IRAK2: variants seen among roughly 807,000 people sequenced by gnomAD.
IRAK2 encodes the protein interleukin-1 receptor-associated kinase-like 2.
A neutral mutation model predicts 72.0 loss-of-function variants in IRAK2; 57 were observed. The ratio of observed to expected loss-of-function variants is 0.79; its 90% CI spans 0.64 to 0.99. IRAK2 has a LOEUF of 0.99. Ranked by LOEUF, IRAK2 falls within the 50% of genes least tolerant of loss-of-function variation. The pLI, the probability that IRAK2 is intolerant of heterozygous loss-of-function variation, is 0.00. For missense variants in IRAK2, 790 were observed against 794.4 expected (o/e 0.99, Z 0.07); for synonymous variants, 293 against 312.7 (o/e 0.94, Z 0.67).
Position 10,221,444 on chromosome 3 carries a change from A to G in IRAK2, c.1014-1192A>G, listed in dbSNP as rs576362801. Among the ~76,000 whole-genome samples the G allele has an allele frequency of 1.4e-3, 207 of 150,770 alleles. 1 individual carries two copies. The highest frequency in any genetic ancestry group is 3.4e-3 in the Middle Eastern group (1 of 292). On this transcript the variant is annotated intron_variant, in intron 8 of 12. Transcript: ENST00000256458. ...AACTTTTTGTATTTTTAGTAGAGAT[A>G]GGGTTTCACTGTGTTAGCCATGATG...
At chr3:10,210,680 A>G (rs888803674) in intron 4 of IRAK2, among the ~76,000 whole-genome samples, 1 of 151,972 alleles carries the variant, frequency 6.6e-6, no homozygotes, top group Non-Finnish European at 1.5e-5. Flanking sequence ...TGAGCCCAGG[A>G]GTTGGAGACC....
At chr3:10,170,529 G>T (rs781430526) in intron 1 of IRAK2, among the ~76,000 whole-genome samples, 1 of 152,082 alleles carries the variant, frequency 6.6e-6, no homozygotes, top group African/African-American at 2.4e-5. Flanking sequence ...GCCCATCACC[G>T]TGTTTCATTT....
intron 4 of IRAK2, among the ~76,000 whole-genome samples, chr3:10,211,072 A>T (rs531343204): frequency 6.6e-6 from 1 of 152,058 alleles, no homozygotes; most frequent in African/African-American, 2.4e-5. Context: ...CATGTTGGCC[A>T]GGCTGGTCTT....
At chr3:10,239,752 A>G (rs1281151408) in intron 12 of IRAK2, among the ~76,000 whole-genome samples, 2 of 151,918 alleles carry the variant, frequency 1.3e-5, no homozygotes, top group Non-Finnish European at 2.9e-5. Flanking sequence ...AAAAAACTCA[A>G]TGCATGTCAT....
intron 2 of IRAK2, among the ~76,000 whole-genome samples, chr3:10,182,905 G>A (rs1404999313): frequency 6.6e-6 from 1 of 151,642 alleles, no homozygotes; most frequent in Non-Finnish European, 1.5e-5. Context: ...CAAGTAGCTA[G>A]GATTATAGGT....
In IRAK2 at chr3:10,184,501, G is replaced by A. The variant is rs78605529; in HGVS notation, c.277+6481G>A. 6.7e-3 allele frequency among the ~76,000 whole-genome samples: 992 copies of A among 147,702 alleles called. 31 individuals are homozygous for A. In the South Asian group the frequency reaches 0.08, roughly 12 times the overall value. On this transcript the variant is annotated intron_variant, in intron 2 of 12. Transcript: ENST00000256458. Reference sequence around the variant, plus strand: ...TGGGTGATGTGTAGCCTTCTCTAATGGCCCCAGTGACCCAGGGCCTCTCAA... The same window carrying A: ...TGGGTGATGTGTAGCCTTCTCTAATAGCCCCAGTGACCCAGGGCCTCTCAA...
rs571037648 is a variant in IRAK2 at position 10,168,249 on chromosome 3, C to T, written c.94+3201C>T. Among the ~76,000 whole-genome samples the T allele has an allele frequency of 4.7e-5, 7 of 147,902 alleles. No individual in the cohort carries two copies. In the South Asian group the frequency reaches 6.3e-4, roughly 13 times the overall value. ...TTTTTGAGACAGAGTCTCGCTCTGT[C>T]GCTGAGGCTGGAGTGCAGTGGCATG... On this transcript the variant is annotated intron_variant, in intron 1 of 12. Transcript: ENST00000256458.
At chr3:10,209,235 T>C (rs1222514958) in intron 3 of IRAK2, among the ~76,000 whole-genome samples, 1 of 152,126 alleles carries the variant, frequency 6.6e-6, no homozygotes, top group Non-Finnish European at 1.5e-5. Flanking sequence ...TTCTGCTCTT[T>C]GAGTAGGAGG....
chr3:10,225,387 C>T (rs370634137), intron 9 of IRAK2, among the ~76,000 whole-genome samples: 2 of 152,168 alleles, frequency 1.3e-5, no homozygotes, highest in African/African-American at 4.8e-5. Context: ...AATTTGAACT[C>T]AGGCCTGACT....
At chr3:10,178,144 G>C in intron 2 of IRAK2, 124 bp downstream of exon 2, 1 of 802,270 alleles carries the variant, frequency 1.2e-6, no homozygotes, top group Non-Finnish European at 1.9e-6. Flanking sequence ...TTTAATGAGT[G>C]AGTTTACCAT....
intron 2 of IRAK2, among the ~76,000 whole-genome samples, chr3:10,199,323 A>G (rs1697318368): frequency 6.6e-6 from 1 of 152,056 alleles, no homozygotes; most frequent in Non-Finnish European, 1.5e-5. Flanking sequence ...AAGGCAGGGG[A>G]GTTCTTCGGC....
Position 10,242,230 on chromosome 3 carries a change from G to A in IRAK2, c.*2G>A. Reference sequence around the variant, plus strand: ...AGCATTGAGCTCTTTGGCCCCTGATGACCGGAACACAGCTGAGGACCCTTG... The same window carrying A: ...AGCATTGAGCTCTTTGGCCCCTGATAACCGGAACACAGCTGAGGACCCTTG... On this transcript the variant is annotated 3_prime_UTR_variant, in exon 13 of 13. Transcript: ENST00000256458. The A allele has an allele frequency of 6.4e-7, 1 of 1,569,686 alleles. No homozygotes were observed. The highest frequency in any genetic ancestry group is 1.1e-5 in the South Asian group (1 of 89,620).
At chr3:10,207,929 T>C (rs1386667766) in intron 3 of IRAK2, among the ~76,000 whole-genome samples, 1 of 151,140 alleles carries the variant, frequency 6.6e-6, no homozygotes, top group Non-Finnish European at 1.5e-5. Flanking sequence ...GAGGGGGAGT[T>C]TGCAGTGAGC....
At chr3:10,238,300 C>T (rs539312302) in intron 11 of IRAK2, among the ~76,000 whole-genome samples, 11 of 152,232 alleles carry the variant, frequency 7.2e-5, no homozygotes, top group East Asian at 3.9e-4. Flanking sequence ...GCTCTCTCTT[C>T]GTTGCTTGCC....
chr3:10,175,942 T>C (rs193095646), intron 1 of IRAK2, among the ~76,000 whole-genome samples: 17 of 146,004 alleles, frequency 1.2e-4, no homozygotes, highest in African/African-American at 4.0e-4. Flanking sequence ...ACCTGCAGCG[T>C]GGCAACAACT....
At chr3:10,223,413 C>T (rs1337356467) in intron 9 of IRAK2, among the ~76,000 whole-genome samples, 1 of 151,958 alleles carries the variant, frequency 6.6e-6, no homozygotes, top group Non-Finnish European at 1.5e-5. Context: ...AACAAAAACA[C>T]AGTCCCTCCC....
chr3:10,221,247 A>AT lies in IRAK2; in HGVS notation c.1014-1389_1014-1388insT, dbSNP rs1697686290. On this transcript the variant is annotated intron_variant, in intron 8 of 12. Transcript: ENST00000256458. ...CTCTACTAAAAATACCAAAAAAAAA[A>AT]ATTTTTTTTTTTTTTTTTTTTTTTG... Among the ~76,000 whole-genome samples, 709 of 137,698 alleles carry AT rather than the reference A, an allele frequency of 5.1e-3. 6 individuals carry two copies. The highest frequency in any genetic ancestry group is 0.019 in the African/African-American group (686 of 36,214). The allele number at this position is 137,698 out of a possible 152,430, so 90.3% of individuals were successfully genotyped here. A position where few individuals can be genotyped will look rare whatever the true frequency, so the allele number is the denominator to read the frequency against.
chr3:10,205,693 GT>G (rs944873023), intron 3 of IRAK2, among the ~76,000 whole-genome samples: 6 of 152,238 alleles, frequency 3.9e-5, no homozygotes, highest in African/African-American at 1.4e-4. Context: ...GAACCTGGGT[GT>G]TAGCACAAAT....
chr3:10,204,681 G>A (rs1331730897), intron 3 of IRAK2, among the ~76,000 whole-genome samples: 2 of 151,996 alleles, frequency 1.3e-5, no homozygotes, highest in Admixed American at 6.6e-5. Context: ...CCTGGGAGGC[G>A]GAGGTTGCAG....
Sources: gnomAD v4.1 joint callset for allele counts (sites outside exome capture counted in the v4.1 genomes callset) on GRCh38, gnomAD v4.1.1 for gene constraint, MANE v1.5 for transcripts, NCBI Gene and HGNC (gene_info 2026-07-23, HGNC 2026-07-21) for gene names.